The following TNFRSF13B variants were observed in gnomAD, a reference collection of about 807,000 sequenced individuals.
TNFRSF13B encodes the protein tumor necrosis factor receptor superfamily member 13B.
In TNFRSF13B, 34 loss-of-function variants were observed where a neutral mutation model predicts 24.0. That is an observed-to-expected ratio of 1.41 (90% CI 1.08 to 1.88). TNFRSF13B has a LOEUF of 1.88. TNFRSF13B is among the 40% of genes most tolerant of loss of function. The probability of loss-of-function intolerance (pLI) is 0.00; values close to 1 mark genes in which losing one functional copy is unlikely to be tolerated. For missense variants in TNFRSF13B, 415 were observed against 380.8 expected, an observed-to-expected ratio of 1.09 and a Z score of -0.75; for synonymous variants, 173 against 150.3, an observed-to-expected ratio of 1.15 and a Z score of -1.10.
At chr17:16,970,982 C>A (rs2087739589) in intron 1 of TNFRSF13B, among the ~76,000 whole-genome samples, 2 of 152,178 alleles carry the variant, frequency 1.3e-5, no homozygotes, top group Non-Finnish European at 2.9e-5. Flanking sequence ...CCGGGTCCAT[C>A]TGGCCATGGG....
In TNFRSF13B at chr17:16,972,117, T is replaced by G; in HGVS notation, c.-42A>C. 6.2e-7 allele frequency: 1 copy of G among 1,611,956 alleles called. No homozygotes were observed. The highest frequency in any genetic ancestry group is 8.5e-7 in the Non-Finnish European group (1 of 1,179,660). Reference sequence around the variant, plus strand: ...TACTAGTCTTAGATTTGATTAGTGCTTGGGCTGCACTTCCTGGGTTTTCCC... The same window carrying G: ...TACTAGTCTTAGATTTGATTAGTGCGTGGGCTGCACTTCCTGGGTTTTCCC... On this transcript the variant is annotated 5_prime_UTR_variant, in exon 1 of 5. Transcript: ENST00000261652.
chr17:16,966,832 C>CTTTTTTTT (rs796602708), intron 1 of TNFRSF13B, among the ~76,000 whole-genome samples: 6 of 95,844 alleles, frequency 6.3e-5, no homozygotes, highest in Non-Finnish European at 5.9e-5. Flanking sequence ...TTTTCTTTTT[C>CTTTTTTTT]TTTTTTCTTT....
At chr17:16,949,965 T>C (rs1249179220) in intron 2 of TNFRSF13B, among the ~76,000 whole-genome samples, 4 of 152,120 alleles carry the variant, frequency 2.6e-5, no homozygotes, top group Non-Finnish European at 4.4e-5. Context: ...GGATTACAGG[T>C]GGCATGAACC....
chr17:16,944,051 G>A (rs1248382979), intron 3 of TNFRSF13B, among the ~76,000 whole-genome samples: 1 of 152,180 alleles, frequency 6.6e-6, no homozygotes, highest in Non-Finnish European at 1.5e-5. Context: ...TGAGCAGCAG[G>A]GCTTTCTGTG....
chr17:16,949,876 G>T (rs1047012127), intron 2 of TNFRSF13B, among the ~76,000 whole-genome samples: 3 of 151,968 alleles, frequency 2.0e-5, no homozygotes, highest in Non-Finnish European at 4.4e-5. Context: ...AGTAGAGATG[G>T]ACTTTCGCCG....
intron 1 of TNFRSF13B, among the ~76,000 whole-genome samples, chr17:16,956,569 A>G (rs1238817147): frequency 6.6e-6 from 1 of 151,688 alleles, no homozygotes; most frequent in African/African-American, 2.4e-5. Flanking sequence ...CACATGGTAA[A>G]GAGAAAGAAG....
intron 1 of TNFRSF13B, among the ~76,000 whole-genome samples, chr17:16,967,280 A>G (rs1222111910): frequency 6.6e-6 from 1 of 152,214 alleles, no homozygotes; most frequent in Non-Finnish European, 1.5e-5. Context: ...AGCTCTCTGT[A>G]TGTTGCTGTG....
intron 1 of TNFRSF13B, among the ~76,000 whole-genome samples, chr17:16,957,456 AT>A (rs1242676156): frequency 6.6e-6 from 1 of 152,146 alleles, no homozygotes; most frequent in Non-Finnish European, 1.5e-5. Flanking sequence ...ATGGCCCCAA[AT>A]TTCCCAAATC....
chr17:16,939,982 G>A, intron 4 of TNFRSF13B, 185 bp from the exon 5 acceptor site: 2 of 1,027,632 alleles, frequency 1.9e-6, no homozygotes, highest in Admixed American at 3.0e-5. Context: ...GCAGGGGTGG[G>A]CAGGCAATTC....
At chr17:16,941,944 C>T (rs1292266821) in intron 3 of TNFRSF13B, among the ~76,000 whole-genome samples, 1 of 152,144 alleles carries the variant, frequency 6.6e-6, no homozygotes, top group Non-Finnish European at 1.5e-5. Context: ...GTGTATTAGA[C>T]CTTCGTTTCT....
At chr17:16,964,679 T>C (rs1172264332) in intron 1 of TNFRSF13B, among the ~76,000 whole-genome samples, 1 of 152,082 alleles carries the variant, frequency 6.6e-6, no homozygotes, top group Non-Finnish European at 1.5e-5. Flanking sequence ...CTTAGTTAGG[T>C]CCTGGGAAAA....
intron 3 of TNFRSF13B, among the ~76,000 whole-genome samples, chr17:16,945,513 A>G (rs1042731729): frequency 6.6e-6 from 1 of 152,070 alleles, no homozygotes; most frequent in South Asian, 2.1e-4. Context: ...TTTGAGACTC[A>G]CTCTCTAGAT....
intron 3 of TNFRSF13B, among the ~76,000 whole-genome samples, chr17:16,948,343 A>AT (rs2087563350): frequency 6.6e-6 from 1 of 152,234 alleles, no homozygotes. Context: ...TCTAAAAAAA[A>AT]AAGTTGAAAT....
At chr17:16,940,161 T>C in intron 4 of TNFRSF13B, 165 bp downstream of exon 4, 1 of 1,494,828 alleles carries the variant, frequency 6.7e-7, no homozygotes, top group Non-Finnish European at 8.9e-7. Flanking sequence ...CAGTTATCTG[T>C]CTGCCAGGAT....
intron 3 of TNFRSF13B, 88 bp downstream of exon 3, chr17:16,948,650 T>C (rs1476283674): frequency 3.8e-6 from 6 of 1,589,382 alleles, no homozygotes; most frequent in Non-Finnish European, 4.3e-6. Context: ...TCATGCATTG[T>C]GGACTCTCCT....
chr17:16,966,126 C>A (rs8182268), intron 1 of TNFRSF13B, among the ~76,000 whole-genome samples: 1 of 151,636 alleles, frequency 6.6e-6, no homozygotes, highest in Non-Finnish European at 1.5e-5. Context: ...TGGTGGTGTG[C>A]GCCTGTAATC....
At chr17:16,962,588 G>A in intron 1 of TNFRSF13B, among the ~76,000 whole-genome samples, 1 of 152,120 alleles carries the variant, frequency 6.6e-6, no homozygotes, top group East Asian at 1.9e-4. Flanking sequence ...TCAGCTGTGG[G>A]CAATATTTAT....
At chr17:16,964,358 T>C (rs1308640478) in intron 1 of TNFRSF13B, among the ~76,000 whole-genome samples, 27 of 148,982 alleles carry the variant, frequency 1.8e-4, no homozygotes, top group Non-Finnish European at 2.1e-4. Flanking sequence ...TTTTTTTTTT[T>C]TGAGATGGAG....
intron 2 of TNFRSF13B, among the ~76,000 whole-genome samples, chr17:16,950,371 C>G (rs1418468213): frequency 6.6e-6 from 1 of 152,232 alleles, no homozygotes; most frequent in East Asian, 1.9e-4. Flanking sequence ...GTGCCTGGCA[C>G]ATACTAAATG....
Sources: allele counts gnomAD v4.1 joint callset (sites outside exome capture counted in the v4.1 genomes callset), GRCh38; gene constraint gnomAD v4.1.1; transcripts MANE v1.5; gene names NCBI Gene and HGNC (gene_info 2026-07-23, HGNC 2026-07-21).